TUSC3: variants seen among roughly 807,000 people sequenced by gnomAD.
TUSC3 encodes tumor suppressor candidate 3, also known as dolichyl-diphosphooligosaccharide--protein glycosyltransferase subunit TUSC3.
In TUSC3, 45 loss-of-function variants were observed where a neutral mutation model predicts 44.8. The ratio of observed to expected loss-of-function variants is 1.00; its 90% CI spans 0.79 to 1.29. The LOEUF is 1.29. Among genes scored for constraint, TUSC3 ranks in the 50% most tolerant of loss-of-function variants. The probability of loss-of-function intolerance (pLI) is 0.00; values close to 1 mark genes in which losing one functional copy is unlikely to be tolerated. For synonymous variants in TUSC3, 212 were observed against 152.9 expected (o/e 1.39, Z -2.85); for missense variants, 519 against 437.9 (o/e 1.19, Z -1.65).
rs545999213 is a variant in TUSC3 at position 15,585,572 on chromosome 8, G to A, written c.139-37508G>A. Reference sequence around the variant, plus strand: ...GCTGGGCATCTCATTTGCATAAAGCGTGAATTTCTTGTAGCTCCACCCTGT... The same window carrying A: ...GCTGGGCATCTCATTTGCATAAAGCATGAATTTCTTGTAGCTCCACCCTGT... On this transcript the variant is annotated intron_variant, in intron 1 of 10. Coordinates refer to ENST00000503731, the MANE Select transcript of TUSC3 (RefSeq NM_006765.4). Among the ~76,000 whole-genome samples, 5 of 152,260 alleles carry A rather than the reference G, an allele frequency of 3.3e-5. No individual in the cohort carries two copies. In the South Asian group the frequency reaches 6.2e-4, roughly 19 times the overall value.
chr8:15,581,765 CT>C (rs1193239992), intron 1 of TUSC3, among the ~76,000 whole-genome samples: 4 of 139,536 alleles, frequency 2.9e-5, no homozygotes, highest in African/African-American at 1.1e-4. Context: ...TTACTGCTGT[CT>C]TTTTGTTTGT....
At chr8:15,491,782 A>C (rs1367305972) in intron 2 of TUSC3, among the ~76,000 whole-genome samples, 1 of 152,232 alleles carries the variant, frequency 6.6e-6, no homozygotes, top group Non-Finnish European at 1.5e-5. Context: ...GGCTGAACAC[A>C]GCCTGAATTC....
At chr8:15,526,691 G>A (rs1801377080) in intron 2 of TUSC3, among the ~76,000 whole-genome samples, 1 of 152,112 alleles carries the variant, frequency 6.6e-6, no homozygotes, top group Admixed American at 6.5e-5. Context: ...TGAGTCCATT[G>A]AACCTCTTTT....
chr8:15,773,259 A>G, the TUSC3 span, among the ~76,000 whole-genome samples: 1 of 152,182 alleles, frequency 6.6e-6, no homozygotes, highest in Admixed American at 6.5e-5. Flanking sequence ...ATTAAAAATA[A>G]ATTCACCAGA....
At chr8:15,515,474 C>G (rs187135963) in intron 2 of TUSC3, among the ~76,000 whole-genome samples, 2 of 152,176 alleles carry the variant, frequency 1.3e-5, no homozygotes, top group African/African-American at 4.8e-5. Flanking sequence ...CATTCAGCAT[C>G]TTTCTGACTC....
the TUSC3 span, among the ~76,000 whole-genome samples, chr8:15,781,423 C>T: frequency 6.6e-6 from 1 of 152,096 alleles, no homozygotes; most frequent in Non-Finnish European, 1.5e-5. Context: ...GAGACCCACA[C>T]TGAGATATAA....
chr8:15,791,140 A>C, the TUSC3 span, among the ~76,000 whole-genome samples: 1 of 152,172 alleles, frequency 6.6e-6, no homozygotes, highest in Admixed American at 6.5e-5. Context: ...CAAATAGTTT[A>C]TGGCTGAATT....
At chr8:15,652,360 TTCTC>T (rs1024865868) in intron 3 of TUSC3, among the ~76,000 whole-genome samples, 21 of 152,334 alleles carry the variant, frequency 1.4e-4, no homozygotes, top group Admixed American at 9.2e-4. Context: ...GTTAAATAAA[TTCTC>T]TCTTTTTGCC....
At chr8:15,472,176 T>C (rs956782486) in intron 1 of TUSC3, among the ~76,000 whole-genome samples, 2 of 152,196 alleles carry the variant, frequency 1.3e-5, no homozygotes, top group Non-Finnish European at 2.9e-5. Context: ...TTCAAATATA[T>C]AGAGAAAGTA....
At chr8:15,628,379 C>T (rs187366350) in intron 2 of TUSC3, among the ~76,000 whole-genome samples, 2 of 152,210 alleles carry the variant, frequency 1.3e-5, no homozygotes, top group Admixed American at 1.3e-4. Context: ...TTGTTAAATA[C>T]AGACCCTTAA....
At chr8:15,632,251 A>T (rs1414532813) in intron 2 of TUSC3, among the ~76,000 whole-genome samples, 5 of 152,090 alleles carry the variant, frequency 3.3e-5, no homozygotes, top group Admixed American at 3.3e-4. Context: ...ATTTGTTTTA[A>T]TGATGGTGAC....
intron 6 of TUSC3, among the ~76,000 whole-genome samples, chr8:15,700,829 A>T (rs1809364147): frequency 7.2e-6 from 1 of 139,066 alleles, no homozygotes; most frequent in East Asian, 2.2e-4. Flanking sequence ...TGGTCCTTTC[A>T]CTAGAGGGAA....
In TUSC3 at chr8:15,757,870, C is replaced by A; in HGVS notation, c.*46+15C>A. 1 of 1,388,712 alleles carries A rather than the reference C, an allele frequency of 7.2e-7. No individual in the cohort carries two copies. The highest frequency in any genetic ancestry group is 1.0e-6 in the Non-Finnish European group (1 of 974,806). The allele number at this position is 1,388,712 out of a possible 1,614,324, so 86.0% of individuals were successfully genotyped here. On this transcript the variant is annotated intron_variant, in intron 10 of 10. Transcript: ENST00000503731. ...TATAACCTCAGGCAAGTCTTTTAAT[C>A]TTCTCTGAGCCTCAGTTTTCCTCAT...
At chr8:15,814,274 A>G in the TUSC3 span, among the ~76,000 whole-genome samples, 4 of 152,222 alleles carry the variant, frequency 2.6e-5, no homozygotes, top group South Asian at 4.1e-4. Flanking sequence ...TTCCATGATA[A>G]AACAGTAACA....
chr8:15,493,317 G>C (rs1800834553), intron 2 of TUSC3, among the ~76,000 whole-genome samples: 1 of 152,108 alleles, frequency 6.6e-6, no homozygotes, highest in Non-Finnish European at 1.5e-5. Flanking sequence ...CTAGAGTGCA[G>C]TGGCTCAATC....
At chr8:15,795,453 A>G in the TUSC3 span, among the ~76,000 whole-genome samples, 1 of 152,144 alleles carries the variant, frequency 6.6e-6, no homozygotes, top group Non-Finnish European at 1.5e-5. Context: ...TGCACAGATA[A>G]CTGCCCACAC....
intron 1 of TUSC3, among the ~76,000 whole-genome samples, chr8:15,427,800 G>A (rs985035329): frequency 1.3e-5 from 2 of 151,972 alleles, no homozygotes; most frequent in African/African-American, 4.8e-5. Context: ...CCTGTGCTTT[G>A]TTGTCATACT....
intron 6 of TUSC3, 31 bp from the exon 7 acceptor site, chr8:15,730,635 G>T (rs1404244348): frequency 1.2e-6 from 2 of 1,607,402 alleles, no homozygotes; most frequent in South Asian, 2.2e-5. Flanking sequence ...GGCTTTCTCA[G>T]ACTGTAATTT....
intron 2 of TUSC3, among the ~76,000 whole-genome samples, chr8:15,525,827 G>T (rs1801366181): frequency 1.3e-5 from 2 of 152,126 alleles, no homozygotes; most frequent in African/African-American, 4.8e-5. Flanking sequence ...AGTGTGTGCT[G>T]GGGTAAAGAG....
Sources: allele counts gnomAD v4.1 joint callset (sites outside exome capture counted in the v4.1 genomes callset), GRCh38; gene constraint gnomAD v4.1.1; transcripts MANE v1.5; gene names NCBI Gene and HGNC (gene_info 2026-07-23, HGNC 2026-07-21).